PKHD1: variants seen among roughly 807,000 people sequenced by gnomAD.
PKHD1 encodes fibrocystin.
Under a neutral mutation model 412.0 loss-of-function variants are expected in PKHD1, and 291 were observed. The observed-to-expected ratio is 0.71, with a 90% confidence interval of 0.64 to 0.78. The LOEUF is 0.78. Among genes scored for constraint, PKHD1 ranks in the 30% least tolerant of loss-of-function variants. The pLI, the probability that PKHD1 is intolerant of heterozygous loss-of-function variation, is 0.00. For synonymous variants in PKHD1, 1,777 were observed against 1,821.5 expected (o/e 0.98, Z 0.62); for missense variants, 4,825 against 4,950.7 (o/e 0.97, Z 0.76).
intron 43 of PKHD1, among the ~76,000 whole-genome samples, chr6:51,901,891 C>G (rs1781364217): frequency 6.6e-6 from 1 of 152,122 alleles, no homozygotes; most frequent in Non-Finnish European, 1.5e-5. Context: ...GAGCAAGCAG[C>G]TAGTTGCAGA....
chr6:51,883,058 T>C (rs768658733), intron 46 of PKHD1, 35 bp downstream of exon 46: 40 of 1,588,932 alleles, frequency 2.5e-5, no homozygotes, highest in African/African-American at 1.2e-4. Flanking sequence ...TTTGTTGTGA[T>C]TGACAGCCTA....
chr6:51,757,520 C>T (rs990865598), intron 55 of PKHD1, among the ~76,000 whole-genome samples: 13 of 152,134 alleles, frequency 8.5e-5, no homozygotes, highest in African/African-American at 1.7e-4. Flanking sequence ...CAAGTCACTA[C>T]GGTCACTATG....
intron 60 of PKHD1, among the ~76,000 whole-genome samples, chr6:51,699,920 A>T (rs1022329484): frequency 7.3e-6 from 1 of 137,904 alleles, no homozygotes; most frequent in South Asian, 2.5e-4. Flanking sequence ...ATATATATGG[A>T]GTGTGTGTGT....
chr6:51,781,740 G>A (rs1792049401), intron 53 of PKHD1, among the ~76,000 whole-genome samples: 1 of 151,896 alleles, frequency 6.6e-6, no homozygotes, highest in Non-Finnish European at 1.5e-5. Context: ...AGTAACCATG[G>A]AGGTATCACA....
chr6:51,967,222 T>C lies in PKHD1; in HGVS notation c.5752-7196A>G, dbSNP rs187733791. On this transcript the variant is annotated intron_variant, in intron 35 of 66. Transcript: ENST00000371117. Reference sequence around the variant, plus strand: ...CAGTCCACAACCCACTATTTTGATATTGGCACACGGCATGACAATTCATTT... The same window carrying C: ...CAGTCCACAACCCACTATTTTGATACTGGCACACGGCATGACAATTCATTT... 1.6e-4 allele frequency among the ~76,000 whole-genome samples: 25 copies of C among 152,234 alleles called. No homozygotes were observed. The East Asian group carries it at 4.6e-3, about 28-fold the overall frequency.
At chr6:51,729,772 C>A (rs1054374081) in intron 60 of PKHD1, among the ~76,000 whole-genome samples, 2 of 152,080 alleles carry the variant, frequency 1.3e-5, no homozygotes, top group African/African-American at 4.8e-5. Flanking sequence ...ATTATAGTAG[C>A]AGTGGTCATT....
chr6:51,871,421 C>T (rs9395736), intron 46 of PKHD1, among the ~76,000 whole-genome samples: 82,238 of 107,452 alleles, frequency 0.77, 35,748 homozygotes, highest in East Asian at 0.91. Context: ...GAAGCCAGTC[C>T]CAAAAGGTTA....
intron 5 of PKHD1, among the ~76,000 whole-genome samples, chr6:52,076,891 C>T (rs146651580): frequency 6.6e-5 from 10 of 152,222 alleles, no homozygotes; most frequent in Middle Eastern, 3.4e-3. Flanking sequence ...ACTGAAGATA[C>T]CTGCTGTGAG....
intron 41 of PKHD1, among the ~76,000 whole-genome samples, chr6:51,904,984 G>C (rs995555772): frequency 1.3e-5 from 2 of 152,050 alleles, no homozygotes; most frequent in African/African-American, 2.4e-5. Flanking sequence ...CTTAGTTTTT[G>C]TCTTTTAGAG....
intron 60 of PKHD1, chr6:51,722,122 T>A: frequency 6.3e-7 from 1 of 1,589,044 alleles, no homozygotes; most frequent in Non-Finnish European, 8.6e-7. Context: ...TGCATCCAAA[T>A]GAAAATACCC....
At chr6:51,714,150 T>A (rs1780976080) in intron 60 of PKHD1, among the ~76,000 whole-genome samples, 1 of 152,016 alleles carries the variant, frequency 6.6e-6, no homozygotes, top group Non-Finnish European at 1.5e-5. Context: ...GGTGGGCGAA[T>A]CACGAGATCA....
rs61342085 is a variant in PKHD1 at position 51,803,543 on chromosome 6, C to G, written c.8303-12170G>C. ...TTAATCCAAGATGACTAGAAGACCC[C>G]AGGAGAAAAATGATATATAAAGAAA... On this transcript the variant is annotated intron_variant, in intron 52 of 66. Transcript: ENST00000371117. Among the ~76,000 whole-genome samples, 1,256 of 151,484 alleles carry G rather than the reference C, an allele frequency of 8.3e-3. 80 individuals carry two copies. The highest frequency in any genetic ancestry group is 0.029 in the African/African-American group (1,183 of 40,854).
intron 52 of PKHD1, among the ~76,000 whole-genome samples, chr6:51,818,427 AG>A (rs10710914): frequency 0.053 from 8,120 of 152,286 alleles, 222 homozygotes; most frequent in South Asian, 0.071. Flanking sequence ...ATGTTTAAAT[AG>A]GAACAGTGTA....
chr6:51,805,076 C>G (rs933490239), intron 52 of PKHD1, among the ~76,000 whole-genome samples: 5 of 152,164 alleles, frequency 3.3e-5, no homozygotes, highest in African/African-American at 1.2e-4. Context: ...GACACATGCA[C>G]TTGTAGGTTT....
rs376709130 is a variant in PKHD1 at position 51,959,949 on chromosome 6, G to A, written c.5829C>T (p.Gly1943=). ...GGCCATTCTCCACTGTGACGTTGTC[G>A]CCATCTTGTGGCAGCCTTTCAGGAA... ...SWFPERLPQD[G]DNVTVENGQL... The change falls in exon 36 of 67, where the codon GGC becomes GGT. Residue 1943 remains glycine, a synonymous_variant. Coordinates refer to ENST00000371117, the MANE Select transcript of PKHD1 (RefSeq NM_138694.4). 100 of 1,613,208 alleles carry A rather than the reference G, an allele frequency of 6.2e-5. 1 individual carries two copies. The East Asian group carries it at 6.5e-4, about 10-fold the overall frequency.
At chr6:51,899,777 C>T (rs1780912351) in intron 43 of PKHD1, among the ~76,000 whole-genome samples, 1 of 152,242 alleles carries the variant, frequency 6.6e-6, no homozygotes, top group Non-Finnish European at 1.5e-5. Flanking sequence ...CCCATTGTCT[C>T]AGCCCAAAAT....
At chr6:52,052,397 T>G (rs1807005413) in intron 21 of PKHD1, among the ~76,000 whole-genome samples, 1 of 152,100 alleles carries the variant, frequency 6.6e-6, no homozygotes. Flanking sequence ...CCAAGAGTGG[T>G]CAAGGGAGAG....
At chr6:51,883,416 G>A (rs777237258) in intron 45 of PKHD1, among the ~76,000 whole-genome samples, 189 bp from the exon 46 acceptor site, 2 of 152,010 alleles carry the variant, frequency 1.3e-5, no homozygotes, top group African/African-American at 2.4e-5. Context: ...GTCTCCTTTG[G>A]TAACACCCCT....
At chr6:51,917,959 A>G (rs1246562334) in intron 37 of PKHD1, among the ~76,000 whole-genome samples, 4 of 152,178 alleles carry the variant, frequency 2.6e-5, no homozygotes, top group Non-Finnish European at 4.4e-5. Flanking sequence ...GAAAATCCTT[A>G]GTGAGAAAAT....
Sources: gnomAD v4.1 joint callset for allele counts (sites outside exome capture counted in the v4.1 genomes callset) on GRCh38, gnomAD v4.1.1 for gene constraint, MANE v1.5 for transcripts, NCBI Gene and HGNC (gene_info 2026-07-23, HGNC 2026-07-21) for gene names.